DLGAP4: variants seen among roughly 807,000 people sequenced by gnomAD.
DLGAP4 encodes disks large-associated protein 4.
DLGAP4 carries 18 observed loss-of-function variants against 86.9 expected under a neutral mutation model. The ratio of observed to expected loss-of-function variants is 0.21; its 90% CI spans 0.14 to 0.31. DLGAP4 has a LOEUF of 0.31. Among genes scored for constraint, DLGAP4 ranks in the 10% least tolerant of loss-of-function variants. DLGAP4 has a pLI of 1.00. For synonymous variants in DLGAP4, 548 were observed against 574.3 expected, an observed-to-expected ratio of 0.95 and a Z score of 0.65; for missense variants, 1,085 against 1,362.6, an observed-to-expected ratio of 0.80 and a Z score of 3.21.
At chr20:36,418,975 C>T (rs1246805591) in intron 2 of DLGAP4, among the ~76,000 whole-genome samples, 1 of 152,068 alleles carries the variant, frequency 6.6e-6, no homozygotes, top group African/African-American at 2.4e-5. Context: ...GTGGGCAGGG[C>T]CATGGGATGT....
intron 7 of DLGAP4, among the ~76,000 whole-genome samples, chr20:36,471,630 T>A (rs1410704778): frequency 6.6e-6 from 1 of 152,252 alleles, no homozygotes; most frequent in Non-Finnish European, 1.5e-5. Context: ...GCCTTTCTCA[T>A]GTCCCTGGCT....
chr20:36,489,418 C>T (rs1263417691), intron 7 of DLGAP4, among the ~76,000 whole-genome samples: 3 of 152,164 alleles, frequency 2.0e-5, no homozygotes, highest in Non-Finnish European at 4.4e-5. Context: ...AGAGCTAGCT[C>T]CCTGAGCTTT....
At chr20:36,513,021 GGCTGACT>G (rs1229682275) in intron 10 of DLGAP4, among the ~76,000 whole-genome samples, 2 of 119,340 alleles carry the variant, frequency 1.7e-5, no homozygotes, top group Non-Finnish European at 3.2e-5. Context: ...GCGCAATTTT[GGCTGACT>G]GTAACCTCCA....
At chr20:36,453,335 G>A (rs1454255188) in intron 7 of DLGAP4, among the ~76,000 whole-genome samples, 2 of 152,156 alleles carry the variant, frequency 1.3e-5, no homozygotes, top group East Asian at 3.8e-4. Flanking sequence ...CAGCCTGTGT[G>A]ACAGAGCAAA....
chr20:36,307,074 T>C (rs2065010087), intron 1 of DLGAP4, among the ~76,000 whole-genome samples: 1 of 151,974 alleles, frequency 6.6e-6, no homozygotes, highest in South Asian at 2.1e-4. Context: ...TCCCGAGCTC[T>C]TTCCCTGACC....
rs1260493914 is a variant in DLGAP4, at chr20:36,500,759, C to G, written c.2512+148C>G. ...TTTTGAGCTCCCTTCTTACTTTCTTCGCATTCTTCCATCCATCCACCTATT... is the reference window on the plus strand; with the variant it reads ...TTTTGAGCTCCCTTCTTACTTTCTTGGCATTCTTCCATCCATCCACCTATT... On this transcript the variant is annotated intron_variant, in intron 10 of 12. Coordinates refer to ENST00000339266, the MANE Select transcript of DLGAP4 (RefSeq NM_001365621.2). This position sits in a 1 kb window ranked among gnomAD's most constrained non-coding sequence, Gnocchi z 4.6. 1 of 709,628 alleles carries G rather than the reference C, an allele frequency of 1.4e-6. No individual in the cohort carries two copies. Among genetic ancestry groups the G allele is most frequent in the Non-Finnish European group, 2.0e-6 (1 of 489,316 alleles). The allele number at this position is 709,628 out of a possible 1,614,324, so 44.0% of individuals were successfully genotyped here. A position where few individuals can be genotyped will look rare whatever the true frequency, so the allele number is the denominator to read the frequency against.
At chr20:36,399,920 T>C (rs77857291) in intron 2 of DLGAP4, among the ~76,000 whole-genome samples, 2,536 of 152,280 alleles carry the variant, frequency 0.017, 70 homozygotes, top group African/African-American at 0.057. Flanking sequence ...CCACAGTAAC[T>C]GAGCAGGGGC....
intron 2 of DLGAP4, among the ~76,000 whole-genome samples, chr20:36,413,283 C>G (rs1388050085): frequency 2.0e-5 from 3 of 149,490 alleles, no homozygotes; most frequent in Admixed American, 6.7e-5. Context: ...CGGCCTTATT[C>G]CAGAACTCTT....
At chr20:36,366,188 C>T (rs930965347) in intron 1 of DLGAP4, among the ~76,000 whole-genome samples, 6 of 152,042 alleles carry the variant, frequency 3.9e-5, no homozygotes, top group African/African-American at 1.4e-4. Flanking sequence ...GACACCATCT[C>T]GGCTCACTGC....
intron 1 of DLGAP4, among the ~76,000 whole-genome samples, chr20:36,328,215 T>TA (rs1377033116): frequency 6.6e-6 from 1 of 151,572 alleles, no homozygotes; most frequent in Non-Finnish European, 1.5e-5. Flanking sequence ...ATAAAAAAAA[T>TA]AAAAAATAAA....
At chr20:36,410,125 C>T (rs558878261) in intron 2 of DLGAP4, among the ~76,000 whole-genome samples, 52 of 152,162 alleles carry the variant, frequency 3.4e-4, no homozygotes, top group African/African-American at 1.2e-3. Context: ...CACTGATAGG[C>T]AAATACGAAT....
At chr20:36,385,570 G>A (rs2031566082) in intron 2 of DLGAP4, among the ~76,000 whole-genome samples, 1 of 152,212 alleles carries the variant, frequency 6.6e-6, no homozygotes, top group African/African-American at 2.4e-5. Context: ...GCAGCACCTG[G>A]CAGTCCCAGC....
intron 7 of DLGAP4, among the ~76,000 whole-genome samples, chr20:36,486,250 A>C (rs113776552): frequency 2.0e-5 from 3 of 152,220 alleles, no homozygotes; most frequent in South Asian, 2.1e-4. Flanking sequence ...CAGGTTCCCT[A>C]TCTGGTAGAG....
chr20:36,500,053 G>A lies in DLGAP4; in HGVS notation c.2100-146G>A. On this transcript the variant is annotated intron_variant, in intron 9 of 12. Transcript: ENST00000339266. This position sits in a 1 kb window ranked among gnomAD's most constrained non-coding sequence, Gnocchi z 4.6. Reference sequence around the variant, plus strand: ...CTGAGCCAAGAATGAGATGGGGGCTGTGGGACCCGCTTCAGGCGCATGGTG... The same window carrying A: ...CTGAGCCAAGAATGAGATGGGGGCTATGGGACCCGCTTCAGGCGCATGGTG... The A allele has an allele frequency of 1.0e-6, 1 of 959,704 alleles. No homozygotes were observed. The highest frequency in any genetic ancestry group is 2.7e-5 in the East Asian group (1 of 37,662). The allele number at this position is 959,704 out of a possible 1,614,324, so 59.4% of individuals were successfully genotyped here. A position where few individuals can be genotyped will look rare whatever the true frequency, so the allele number is the denominator to read the frequency against.
At chr20:36,448,131 C>A (rs1214601935) in intron 7 of DLGAP4, among the ~76,000 whole-genome samples, 1 of 151,596 alleles carries the variant, frequency 6.6e-6, no homozygotes, top group African/African-American at 2.4e-5. Context: ...CGAGGCAGAT[C>A]ACTTGAGCCT....
intron 7 of DLGAP4, among the ~76,000 whole-genome samples, chr20:36,488,025 C>A (rs1335160920): frequency 5.9e-5 from 9 of 151,898 alleles, no homozygotes; most frequent in Non-Finnish European, 1.0e-4. Flanking sequence ...CATGGTGAAA[C>A]CCCGTCTCTA....
At chr20:36,478,074 G>T (rs1328014391) in intron 7 of DLGAP4, among the ~76,000 whole-genome samples, 3 of 152,216 alleles carry the variant, frequency 2.0e-5, no homozygotes, top group African/African-American at 7.2e-5. Context: ...AGAGGGTAAA[G>T]ATTTGGGTAG....
intron 10 of DLGAP4, among the ~76,000 whole-genome samples, chr20:36,511,296 G>A (rs116464792): frequency 0.017 from 2,552 of 152,208 alleles, 82 homozygotes; most frequent in African/African-American, 0.058. Context: ...TCAGCCTCCT[G>A]GGCTCAGGTG....
chr20:36,319,202 G>A (rs1446070487), intron 1 of DLGAP4, among the ~76,000 whole-genome samples: 20 of 151,834 alleles, frequency 1.3e-4, no homozygotes, highest in Admixed American at 1.2e-3. Flanking sequence ...TCTCAGGCCC[G>A]GAGGGAGGGA....
Sources: gnomAD v4.1 joint callset for allele counts (sites outside exome capture counted in the v4.1 genomes callset) on GRCh38, gnomAD v4.1.1 for gene constraint, Gnocchi (gnomAD v3.1) non-coding constraint, MANE v1.5 for transcripts, NCBI Gene and HGNC (gene_info 2026-07-23, HGNC 2026-07-21) for gene names.